The following GABRA2 variants were observed in gnomAD, a reference collection of about 807,000 sequenced individuals.
GABRA2 encodes gamma-aminobutyric acid type A receptor subunit alpha2.
In GABRA2, 16 loss-of-function variants were observed where a neutral mutation model predicts 48.7. The ratio of observed to expected loss-of-function variants is 0.33; its 90% CI spans 0.22 to 0.50. The LOEUF (loss-of-function observed/expected upper bound fraction) is 0.50. Ranked by LOEUF, GABRA2 falls within the 20% of genes least tolerant of loss-of-function variation. The pLI, the probability that GABRA2 is intolerant of heterozygous loss-of-function variation, is 0.98. For synonymous variants in GABRA2, 185 were observed against 184.5 expected (o/e 1.00, Z -0.02); for missense variants, 275 against 535.6 (o/e 0.51, Z 4.80).
chr4:46,381,658 C>A (rs771051300), intron 3 of GABRA2, among the ~76,000 whole-genome samples: 14 of 152,164 alleles, frequency 9.2e-5, no homozygotes, highest in Middle Eastern at 6.8e-3. Flanking sequence ...ACTATTCCTG[C>A]GAGATATAAA....
chr4:46,285,074 G>A (rs563401222), intron 8 of GABRA2, among the ~76,000 whole-genome samples: 1 of 150,246 alleles, frequency 6.7e-6, no homozygotes. Flanking sequence ...GATGAGGCTG[G>A]ACAGTTTTCA....
At chr4:46,379,473 A>G (rs1274236473) in intron 3 of GABRA2, among the ~76,000 whole-genome samples, 1 of 152,236 alleles carries the variant, frequency 6.6e-6, no homozygotes, top group Non-Finnish European at 1.5e-5. Context: ...AGCTATTTAC[A>G]TACGTGCGAA....
At chr4:46,365,114 A>G (rs762140081) in intron 3 of GABRA2, 1 of 152,172 alleles carries the variant, frequency 6.6e-6, no homozygotes, top group Admixed American at 6.6e-5. Flanking sequence ...TATTTATGGA[A>G]GTCTAAATTT....
intron 4 of GABRA2, among the ~76,000 whole-genome samples, chr4:46,324,499 C>T (rs1339358735): frequency 2.0e-5 from 3 of 151,944 alleles, no homozygotes; most frequent in African/African-American, 7.2e-5. Flanking sequence ...AACATGCAAC[C>T]TCTGAAATTT....
chr4:46,312,421 G>T, intron 5 of GABRA2, 75 bp downstream of exon 5: 1 of 924,966 alleles, frequency 1.1e-6, no homozygotes, highest in Non-Finnish European at 1.7e-6. Flanking sequence ...ATACTTGACA[G>T]CTAGATTGGC....
chr4:46,287,062 T>G (rs1239677928), intron 8 of GABRA2, among the ~76,000 whole-genome samples: 1 of 152,182 alleles, frequency 6.6e-6, no homozygotes, highest in East Asian at 1.9e-4. Context: ...TTTTTCCTAA[T>G]AGTTTTATAT....
chr4:46,313,866 G>A (rs1046241915), intron 4 of GABRA2, among the ~76,000 whole-genome samples: 44 of 151,892 alleles, frequency 2.9e-4, no homozygotes, highest in Non-Finnish European at 5.6e-4. Context: ...ATTAATGTTT[G>A]CAAAAAAGAA....
chr4:46,369,219 A>C (rs1040729120), intron 3 of GABRA2, among the ~76,000 whole-genome samples: 2 of 152,098 alleles, frequency 1.3e-5, no homozygotes, highest in Non-Finnish European at 2.9e-5. Context: ...TCTAGAGGGC[A>C]CACCCCTGTA....
chr4:46,285,141 A>C (rs1394241820), intron 8 of GABRA2, among the ~76,000 whole-genome samples: 1 of 151,744 alleles, frequency 6.6e-6, no homozygotes, highest in East Asian at 1.9e-4. Flanking sequence ...TCCCCCTCCA[A>C]TATACACATG....
chr4:46,343,209 G>A (rs1019835632), intron 3 of GABRA2, among the ~76,000 whole-genome samples: 2 of 151,690 alleles, frequency 1.3e-5, no homozygotes, highest in Non-Finnish European at 1.5e-5. Context: ...TTCCCTATAA[G>A]TTTCTTACAT....
chr4:46,297,990 C>A (rs1383350908), intron 8 of GABRA2, among the ~76,000 whole-genome samples: 1 of 151,878 alleles, frequency 6.6e-6, no homozygotes, highest in Non-Finnish European at 1.5e-5. Context: ...ATTATTTAAT[C>A]CATTTGTTGT....
At chr4:46,298,582 G>A (rs1032093859) in intron 8 of GABRA2, among the ~76,000 whole-genome samples, 6 of 151,856 alleles carry the variant, frequency 4.0e-5, no homozygotes, top group Non-Finnish European at 8.8e-5. Flanking sequence ...CCACTTATCC[G>A]TTATTTATTT....
At chr4:46,261,889 T>A (rs750738187) in intron 9 of GABRA2, 37 bp downstream of exon 9, 29 of 1,529,392 alleles carry the variant, frequency 1.9e-5, no homozygotes, top group Non-Finnish European at 2.5e-5. Flanking sequence ...CATTAGGGTA[T>A]TTTCTTAATA....
chr4:46,358,483 A>AT (rs1736358392), intron 3 of GABRA2, among the ~76,000 whole-genome samples: 1 of 152,186 alleles, frequency 6.6e-6, no homozygotes, highest in Non-Finnish European at 1.5e-5. Context: ...TTGAAACATT[A>AT]TTTTATCTTC....
rs780310205 is a variant in GABRA2, at chr4:46,310,191, G to A, written c.541C>T (p.Pro181Ser). The change falls in exon 6 of 10, where the codon CCT becomes TCT. Residue 181 changes from proline (P) to serine (S), a missense_variant. Physicochemically the swap from Pro to Ser is moderately conservative, Grantham distance 74 (BLOSUM62 -1). Transcript: ENST00000381620. ...TACTTACAGCTGCCAAATTTCAGAGGACATGAATGAGCATCCATTGGGAAA... is the reference window on the plus strand; with the variant it reads ...TACTTACAGCTGCCAAATTTCAGAGAACATGAATGAGCATCCATTGGGAAA... ...EDFPMDAHSC[P>S]LKFGSYAYTT... 1 of 1,613,290 alleles carries A rather than the reference G, an allele frequency of 6.2e-7. No homozygotes were observed. The highest frequency in any genetic ancestry group is 8.5e-7 in the Non-Finnish European group (1 of 1,179,380).
chr4:46,324,440 C>A (rs1729980044), intron 4 of GABRA2, among the ~76,000 whole-genome samples: 1 of 151,924 alleles, frequency 6.6e-6, no homozygotes, highest in Non-Finnish European at 1.5e-5. Context: ...CATACAAGTT[C>A]TTTGTGGCTT....
At chr4:46,304,682 C>G (rs1296084679) in intron 7 of GABRA2, among the ~76,000 whole-genome samples, 4 of 151,918 alleles carry the variant, frequency 2.6e-5, no homozygotes, top group Non-Finnish European at 5.9e-5. Context: ...GTAATCCCAG[C>G]ACTTTGGGAG....
At chr4:46,371,866 C>T (rs1225600706) in intron 3 of GABRA2, among the ~76,000 whole-genome samples, 2 of 152,190 alleles carry the variant, frequency 1.3e-5, no homozygotes, top group Non-Finnish European at 1.5e-5. Context: ...ACTTAAAGGA[C>T]CCCTTCTCTT....
intron 3 of GABRA2, among the ~76,000 whole-genome samples, chr4:46,336,920 T>C (rs1732333479): frequency 6.6e-6 from 1 of 152,164 alleles, no homozygotes; most frequent in Non-Finnish European, 1.5e-5. Flanking sequence ...AATGCACGTA[T>C]AAATAATTTC....
Sources: gnomAD v4.1 joint callset for allele counts (sites outside exome capture counted in the v4.1 genomes callset) on GRCh38, gnomAD v4.1.1 for gene constraint, MANE v1.5 for transcripts, NCBI Gene and HGNC (gene_info 2026-07-23, HGNC 2026-07-21) for gene names.